ATRIP: variants seen among roughly 807,000 people sequenced by gnomAD.
The protein encoded by ATRIP is ATR-interacting protein.
Under a neutral mutation model 78.1 loss-of-function variants are expected in ATRIP, and 44 were observed. The observed-to-expected ratio is 0.56, with a 90% CI of 0.44 to 0.72. The LOEUF (loss-of-function observed/expected upper bound fraction) is 0.72, where lower values mean the gene tolerates loss of function less well. ATRIP is among the 30% of genes least tolerant of loss of function. ATRIP has a pLI of 0.00. For synonymous variants in ATRIP, 388 were observed against 408.9 expected, an observed-to-expected ratio of 0.95 and a Z score of 0.62; for missense variants, 927 against 980.2, an observed-to-expected ratio of 0.95 and a Z score of 0.72.
chr3:48,467,518 T>C lies in ATRIP; in HGVS notation c.*1964T>C. ...GGAGCCCTATCCAGGGAGGGGCTGC[T>C]GGCCCCACTGGGTCTGCTGGCCATC... On this transcript the variant is annotated 3_prime_UTR_variant, in exon 13 of 13. Transcript: ENST00000320211. 1.2e-6 allele frequency: 2 copies of C among 1,613,726 alleles called. No individual in the cohort carries two copies. Among genetic ancestry groups the C allele is most frequent in the South Asian group, 1.1e-5 (1 of 91,040 alleles).
rs2040356600 is a variant in ATRIP at position 48,467,171 on chromosome 3, C to T, written c.*1617C>T. 6.2e-7 allele frequency: 1 copy of T among 1,614,000 alleles called. No homozygotes were observed. The highest frequency in any genetic ancestry group is 8.5e-7 in the Non-Finnish European group (1 of 1,179,982). On this transcript the variant is annotated 3_prime_UTR_variant, in exon 13 of 13. Transcript: ENST00000320211. ...GAGCAAGCAGCCCCTCAGAACACGG[C>T]CCAAGGAAGAGCTATAGCCTAGGCA...
intron 4 of ATRIP, among the ~76,000 whole-genome samples, chr3:48,455,580 C>T (rs1372181078): frequency 6.6e-6 from 1 of 151,904 alleles, no homozygotes; most frequent in Non-Finnish European, 1.5e-5. Context: ...ACCTCCACCT[C>T]CCGGGTTCAA....
At position 48,467,468 on chromosome 3, in the gene ATRIP, G is replaced by A. The variant is rs780078867; in HGVS notation, c.*1914G>A. ...GCCTTGGAGAGAGCAGGGGTACCAA[G>A]GATCTTCCTCCAGTGAAGGACCCTG... is the stretch of plus-strand genomic sequence containing the variant. On this transcript the variant is annotated 3_prime_UTR_variant, in exon 13 of 13. Coordinates refer to ENST00000320211, the MANE Select transcript of ATRIP (RefSeq NM_130384.3). The A allele has an allele frequency of 8.1e-6, 13 of 1,614,044 alleles. No individual in the cohort carries two copies. The highest frequency in any genetic ancestry group is 1.3e-5 in the African/African-American group (1 of 74,924).
chr3:48,467,300 G>A lies in ATRIP; in HGVS notation c.*1746G>A, dbSNP rs774107853. 3.1e-6 allele frequency: 5 copies of A among 1,614,048 alleles called. No individual in the cohort carries two copies. The highest frequency in any genetic ancestry group is 3.4e-6 in the Non-Finnish European group (4 of 1,180,036). ...TCTGTCAGTGGAGACCACAGGCCCT[G>A]CTGCGGTGGGTGGATGCTCACGCCA... On this transcript the variant is annotated 3_prime_UTR_variant, in exon 13 of 13. Coordinates refer to ENST00000320211, the MANE Select transcript of ATRIP (RefSeq NM_130384.3).
At chr3:48,461,026 C>T (rs531705113) in intron 8 of ATRIP, among the ~76,000 whole-genome samples, 36 of 152,322 alleles carry the variant, frequency 2.4e-4, no homozygotes, top group Admixed American at 9.8e-4. Flanking sequence ...AAGCAAAAGG[C>T]ACACATGATT....
Position 48,467,383 on chromosome 3 carries a change from C to G in ATRIP, c.*1829C>G, listed in dbSNP as rs776094274. On this transcript the variant is annotated 3_prime_UTR_variant, in exon 13 of 13. Coordinates refer to ENST00000320211, the MANE Select transcript of ATRIP (RefSeq NM_130384.3). Reference sequence around the variant, plus strand: ...GTCACAGCCTCTGCTAGGACCAAGCCAAGACCATCTGCTGTCACAACCACT... The same window carrying G: ...GTCACAGCCTCTGCTAGGACCAAGCGAAGACCATCTGCTGTCACAACCACT... The G allele has an allele frequency of 1.9e-5, 30 of 1,614,094 alleles. No individual in the cohort carries two copies. The African/African-American group carries it at 3.5e-4, about 19-fold the overall frequency.
In ATRIP at chr3:48,454,369, A is replaced by T. The variant is rs778722914; in HGVS notation, c.622A>T (p.Thr208Ser). The T allele has an allele frequency of 3.1e-6, 5 of 1,613,774 alleles. No homozygotes were observed. The East Asian group carries it at 1.1e-4, about 36-fold the overall frequency. ...GAATGAATTAAGGACAAAGCTCCAG[A>T]CCAGTGAACGAGCAAATAAACTGGC... ...EMNELRTKLQ[T>S]SERANKLAAP... The change falls in exon 4 of 13, where the codon ACC becomes TCC. Residue 208 changes from threonine (T) to serine (S), a missense_variant. By Grantham distance (58) the Thr-to-Ser change is moderately conservative. Coordinates refer to ENST00000320211, the MANE Select transcript of ATRIP (RefSeq NM_130384.3).
chr3:48,449,413 C>CAAAAAAAAAAAAAAAAAAAA (rs1297709851), intron 1 of ATRIP, among the ~76,000 whole-genome samples: 1 of 60,112 alleles, frequency 1.7e-5, no homozygotes, highest in African/African-American at 8.3e-5. Context: ...GACTCTGTCT[C>CAAAAAAAAAAAAAAAAAAAA]AAAAAAAAAA....
intron 1 of ATRIP, among the ~76,000 whole-genome samples, chr3:48,449,431 A>AAC (rs2039774819): frequency 6.6e-6 from 1 of 150,464 alleles, no homozygotes; most frequent in Admixed American, 6.6e-5. Flanking sequence ...AAAAAAAAAA[A>AAC]AAAGAAGGAT....
At chr3:48,464,497 G>A in intron 10 of ATRIP, 85 bp from the exon 11 acceptor site, 1 of 1,415,354 alleles carries the variant, frequency 7.1e-7, no homozygotes, top group Non-Finnish European at 1.0e-6. Context: ...GCTGAAGCAA[G>A]TGAACTCTTA....
rs1442557948 is a variant in ATRIP, at chr3:48,447,447, A to T, written c.247+355A>T. ...TGCATGGGGACCCATTCTTGTGACA[A>T]GTTTGAGCGGCTTTAGATCTTATGA... On this transcript the variant is annotated intron_variant, in intron 1 of 12. Transcript: ENST00000320211. 4.9e-6 allele frequency: 5 copies of T among 1,011,802 alleles called. No homozygotes were observed. In the East Asian group the frequency reaches 4.8e-4, roughly 98 times the overall value. The allele number at this position is 1,011,802 out of a possible 1,614,324, so 62.7% of individuals were successfully genotyped here.
chr3:48,463,809 C>T lies in ATRIP; in HGVS notation c.1810C>T (p.Leu604=). 7 of 1,614,184 alleles carry T rather than the reference C, an allele frequency of 4.3e-6. No individual in the cohort carries two copies. The highest frequency in any genetic ancestry group is 1.3e-5 in the African/African-American group (1 of 75,018). Residue 604 remains leucine, a synonymous_variant, in exon 9 of 13, where the codon CTG becomes TTG. Coordinates refer to ENST00000320211, the MANE Select transcript of ATRIP (RefSeq NM_130384.3). ...CCCAGAGACACCCCTGCCTAGCGTGCTGCTGGCTGTTGAGCTCCTCTCCCT... is the reference window on the plus strand; with the variant it reads ...CCCAGAGACACCCCTGCCTAGCGTGTTGCTGGCTGTTGAGCTCCTCTCCCT... ...LSPETPLPSV[L]LAVELLSLLA... is the part of the protein sequence containing the mutation.
chr3:48,446,784 T>A lies in ATRIP; in HGVS notation c.-62T>A, dbSNP rs1057266367. The A allele has an allele frequency of 2.2e-4, 295 of 1,353,190 alleles. No individual in the cohort carries two copies. The highest frequency in any genetic ancestry group is 2.7e-4 in the Non-Finnish European group (281 of 1,050,960). 83.8% of individuals were successfully genotyped at this position (1,353,190 alleles called of 1,614,324 possible). A position where few individuals can be genotyped will look rare whatever the true frequency, so the allele number is the denominator to read the frequency against. On this transcript the variant is annotated 5_prime_UTR_variant, in exon 1 of 13. Transcript: ENST00000320211. The stretch of plus-strand genomic sequence containing the variant: ...GGCGCGCGGACGGTTGGTCCAGTTC[T>A]CCGGCCTGGCGGCAGGCAAGTCTAG...
Position 48,464,877 on chromosome 3 carries a change from T to C in ATRIP, c.2102T>C (p.Val701Ala). 1.9e-6 allele frequency: 3 copies of C among 1,613,818 alleles called. No individual in the cohort carries two copies. Among genetic ancestry groups the C allele is most frequent in the Non-Finnish European group, 2.5e-6 (3 of 1,179,908 alleles). Residue 701 changes from valine (V) to alanine (A), a missense_variant, in exon 12 of 13, where the codon GTG (valine) becomes GCG (alanine). Transcript: ENST00000320211. ...TVMLHRQWLT[V>A]RRAGGPPRTD... ...ATGTTGCACAGACAGTGGCTGACAGTGCGGAGGGCAGGGGGACCCCCAAGG... is the reference window on the plus strand; with the variant it reads ...ATGTTGCACAGACAGTGGCTGACAGCGCGGAGGGCAGGGGGACCCCCAAGG...
Position 48,464,905 on chromosome 3 carries a change from C to G in ATRIP, c.2130C>G (p.Thr710=), listed in dbSNP as rs3135938. 6.2e-7 allele frequency: 1 copy of G among 1,614,052 alleles called. No individual in the cohort carries two copies. The highest frequency in any genetic ancestry group is 1.3e-5 in the African/African-American group (1 of 75,060). ...GGAGGGCAGGGGGACCCCCAAGGAC[C>G]GACCAGCAGAGGCGGACAGTGCGCT... ...TVRRAGGPPR[T]DQQRRTVRCL... The change falls in exon 12 of 13, where the codon ACC becomes ACG. Residue 710 remains threonine, a synonymous_variant. Transcript: ENST00000320211.
At chr3:48,449,437 A>AAAG (rs2039775778) in intron 1 of ATRIP, among the ~76,000 whole-genome samples, 1 of 149,190 alleles carries the variant, frequency 6.7e-6, no homozygotes, top group Non-Finnish European at 1.5e-5. Context: ...AAAAAAAAGA[A>AAAG]GGATCATTTA....
At position 48,464,939 on chromosome 3, in the gene ATRIP, G is replaced by A. The variant is rs201865008; in HGVS notation, c.2164G>A (p.Asp722Asn). The A allele has an allele frequency of 1.3e-5, 21 of 1,614,046 alleles. No homozygotes were observed. The highest frequency in any genetic ancestry group is 7.7e-5 in the South Asian group (7 of 91,092). ...QQRRTVRCLR[D>N]TVLLLHGLSQ... The stretch of plus-strand genomic sequence containing the variant: ...GAGGCGGACAGTGCGCTGTCTGCGG[G>A]ACACGGTGCTGCTGCTGCACGGCCT... Residue 722 changes from aspartate (D) to asparagine (N), a missense_variant, in exon 12 of 13, where the codon GAC becomes AAC. Coordinates refer to ENST00000320211, the MANE Select transcript of ATRIP (RefSeq NM_130384.3).
intron 4 of ATRIP, among the ~76,000 whole-genome samples, chr3:48,456,718 T>TGAGCTATGATCATGCTAC (rs1177279089): frequency 1.2e-4 from 18 of 151,902 alleles, no homozygotes; most frequent in Admixed American, 1.2e-3. Flanking sequence ...AAGGCTGCAG[T>TGAGCTATGATCATGCTAC]GAGCTATGAT....
chr3:48,447,390 C>A, intron 1 of ATRIP: 1 of 1,077,626 alleles, frequency 9.3e-7, no homozygotes, highest in Non-Finnish European at 1.1e-6. Context: ...TTGGAACACA[C>A]CTACCACCAC....
Sources: allele counts gnomAD v4.1 joint callset (sites outside exome capture counted in the v4.1 genomes callset), GRCh38; gene constraint gnomAD v4.1.1; transcripts MANE v1.5; gene names NCBI Gene and HGNC (gene_info 2026-07-23, HGNC 2026-07-21).